Variants in GALNT18 observed in about 807,000 individuals in gnomAD.
GALNT18 encodes GalNAc-transferase 18.
GALNT18 carries 44 observed loss-of-function variants against 69.5 expected under a neutral mutation model. The observed-to-expected ratio is 0.63, with a 90% CI of 0.50 to 0.81. The LOEUF is 0.81. Ranked by LOEUF, GALNT18 falls within the 40% of genes least tolerant of loss-of-function variation. The probability of loss-of-function intolerance (pLI) is 0.00; values close to 1 mark genes in which losing one functional copy is unlikely to be tolerated. For synonymous variants in GALNT18, 364 were observed against 318.2 expected, an observed-to-expected ratio of 1.14 and a Z score of -1.53; for missense variants, 715 against 810.0, an observed-to-expected ratio of 0.88 and a Z score of 1.42.
intron 7 of GALNT18, among the ~76,000 whole-genome samples, chr11:11,334,102 G>A (rs899714799): frequency 1.3e-5 from 2 of 152,200 alleles, no homozygotes; most frequent in East Asian, 3.9e-4. Context: ...GTGAATCCCT[G>A]GTTCAAACAT....
chr11:11,273,984 T>C (rs1848881629), intron 10 of GALNT18, among the ~76,000 whole-genome samples: 1 of 152,170 alleles, frequency 6.6e-6, no homozygotes, highest in Admixed American at 6.5e-5. Flanking sequence ...CTGAGGGACC[T>C]GGTTCATCTC....
rs1859479169 is a variant in GALNT18 at position 11,595,581 on chromosome 11, T to A, written c.235+25778A>T. Among the ~76,000 whole-genome samples the A allele has an allele frequency of 6.6e-6, 1 of 152,222 alleles. No individual in the cohort carries two copies. The highest frequency in any genetic ancestry group is 1.9e-4 in the East Asian group (1 of 5,200). On this transcript the variant is annotated intron_variant, in intron 1 of 10. Coordinates refer to ENST00000227756, the MANE Select transcript of GALNT18 (RefSeq NM_198516.3). This position sits in a 1 kb window ranked among gnomAD's most constrained non-coding sequence, Gnocchi z 5.2. The stretch of plus-strand genomic sequence containing the variant: ...TCCTCACCAACACTCATTATCCTAG[T>A]GGGTGTGAAGCCATATCTCATTGTG...
chr11:11,582,747 T>A lies in GALNT18; in HGVS notation c.235+38612A>T, dbSNP rs575584282. ...ACAGCCTTTCAGCCCTCATCAAAGG[T>A]GATGCAACTTATTCTTCCTACAATT... On this transcript the variant is annotated intron_variant, in intron 1 of 10. Transcript: ENST00000227756. The surrounding 1 kb of genome is among the most constrained non-coding windows in gnomAD (Gnocchi z 5.0). Among the ~76,000 whole-genome samples, 16 of 152,266 alleles carry A rather than the reference T, an allele frequency of 1.1e-4. No individual in the cohort carries two copies. Among genetic ancestry groups the A allele is most frequent in the African/African-American group, 3.4e-4 (14 of 41,562 alleles).
At chr11:11,476,795 A>G (rs1564968535) in intron 1 of GALNT18, among the ~76,000 whole-genome samples, 1 of 152,226 alleles carries the variant, frequency 6.6e-6, no homozygotes, top group Non-Finnish European at 1.5e-5. Flanking sequence ...AAGAAAGTTA[A>G]GCTGGGAATT....
intron 10 of GALNT18, among the ~76,000 whole-genome samples, chr11:11,276,456 C>T (rs1042319968): frequency 6.6e-6 from 1 of 152,170 alleles, no homozygotes; most frequent in Admixed American, 6.5e-5. Context: ...TCTAAATATA[C>T]AATCATGTCA....
chr11:11,591,159 C>CGTGTGTGTGT lies in GALNT18; in HGVS notation c.235+30190_235+30199dup, dbSNP rs142063535. On this transcript the variant is annotated intron_variant, in intron 1 of 10. Coordinates refer to ENST00000227756, the MANE Select transcript of GALNT18 (RefSeq NM_198516.3). The surrounding 1 kb of genome is among the most constrained non-coding windows in gnomAD (Gnocchi z 4.8). ...TGCTGACTCTGTAGGCCTAGGCTAC[C>CGTGTGTGTGT]GTGTGTGTGTGTGTGTGTGTGTGTG... 0.019 allele frequency among the ~76,000 whole-genome samples: 2,759 copies of CGTGTGTGTGT among 149,026 alleles called. 63 individuals are homozygous for CGTGTGTGTGT. Among genetic ancestry groups the CGTGTGTGTGT allele is most frequent in the African/African-American group, 0.057 (2,281 of 40,320 alleles).
intron 10 of GALNT18, among the ~76,000 whole-genome samples, chr11:11,290,791 A>AC (rs879793402): frequency 2.1e-4 from 32 of 152,276 alleles, no homozygotes; most frequent in Non-Finnish European, 3.4e-4. Context: ...CTGAACCCAG[A>AC]GGCCCAGCAG....
At chr11:11,610,970 T>C (rs1257804827) in intron 1 of GALNT18, among the ~76,000 whole-genome samples, 1 of 152,114 alleles carries the variant, frequency 6.6e-6, no homozygotes, top group East Asian at 1.9e-4. Context: ...ATAACTGCAA[T>C]AGAGAAACCA....
intron 3 of GALNT18, among the ~76,000 whole-genome samples, chr11:11,420,293 T>G (rs1392985815): frequency 6.6e-6 from 1 of 152,136 alleles, no homozygotes; most frequent in African/African-American, 2.4e-5. Context: ...TAGTGCTGTC[T>G]CTAGCACCAC....
At chr11:11,298,444 G>A (rs1256289000) in intron 9 of GALNT18, among the ~76,000 whole-genome samples, 1 of 152,238 alleles carries the variant, frequency 6.6e-6, no homozygotes, top group Non-Finnish European at 1.5e-5. Context: ...CCTGAGCAAG[G>A]CTGAGTTCTG....
intron 1 of GALNT18, among the ~76,000 whole-genome samples, chr11:11,521,608 C>T (rs4310606): frequency 0.88 from 134,229 of 152,184 alleles, 59,602 homozygotes; most frequent in Non-Finnish European, 0.93. Flanking sequence ...ATTCCTGAAC[C>T]GTTCAGTCCT....
At position 11,414,440 on chromosome 11, in the gene GALNT18, A is replaced by G. The variant is rs111315343; in HGVS notation, c.595+18181T>C. 4.3e-4 allele frequency among the ~76,000 whole-genome samples: 66 copies of G among 152,194 alleles called. 2 individuals are homozygous for G. The highest frequency in any genetic ancestry group is 1.4e-3 in the African/African-American group (60 of 41,524). On this transcript the variant is annotated intron_variant, in intron 3 of 10. Coordinates refer to ENST00000227756, the MANE Select transcript of GALNT18 (RefSeq NM_198516.3). ...CTGGACTTCTTGTGGCTCTGAGACC[A>G]TGTTACCTCCTGCCTCAGGGCCTTT...
chr11:11,324,292 G>T (rs1239383749), intron 9 of GALNT18, among the ~76,000 whole-genome samples: 7 of 152,168 alleles, frequency 4.6e-5, no homozygotes, highest in Non-Finnish European at 1.0e-4. Context: ...CAGGAATTCT[G>T]CTCCTGGGCA....
chr11:11,410,287 C>G (rs1440802327), intron 3 of GALNT18, among the ~76,000 whole-genome samples: 1 of 152,134 alleles, frequency 6.6e-6, no homozygotes, highest in Non-Finnish European at 1.5e-5. Context: ...ATCCTGCTCA[C>G]ACCTCTACAC....
At chr11:11,423,195 CTT>C (rs1263298340) in intron 3 of GALNT18, among the ~76,000 whole-genome samples, 2 of 152,256 alleles carry the variant, frequency 1.3e-5, no homozygotes, top group Admixed American at 6.5e-5. Context: ...CACACACACA[CTT>C]GTATGCATGA....
intron 9 of GALNT18, among the ~76,000 whole-genome samples, chr11:11,306,185 C>T (rs888352610): frequency 3.1e-5 from 4 of 129,966 alleles, no homozygotes; most frequent in Non-Finnish European, 6.8e-5. Context: ...AGAATATTCC[C>T]AGTGAGAGTG....
rs1331995874 is a variant in GALNT18 at position 11,341,689 on chromosome 11, T to A, written c.1093-685A>T. On this transcript the variant is annotated intron_variant, in intron 6 of 10. Transcript: ENST00000227756. This position sits in a 1 kb window ranked among gnomAD's most constrained non-coding sequence, Gnocchi z 6.3. ...CAGCATCTCAAAGCTCTCGCTACAA[T>A]CTTTCCAGCCATCCTGACCTTTCAA... 6.6e-6 allele frequency among the ~76,000 whole-genome samples: 1 copy of A among 152,222 alleles called. No individual in the cohort carries two copies. Among genetic ancestry groups the A allele is most frequent in the African/African-American group, 2.4e-5 (1 of 41,450 alleles).
chr11:11,365,864 G>A (rs1296376737), intron 6 of GALNT18, among the ~76,000 whole-genome samples: 1 of 152,234 alleles, frequency 6.6e-6, no homozygotes, highest in Non-Finnish European at 1.5e-5. Flanking sequence ...GAGGAACTCT[G>A]TCATGTGTAA....
Position 11,546,496 on chromosome 11 carries a change from T to C in GALNT18, c.235+74863A>G, listed in dbSNP as rs371986667. 1.3e-5 allele frequency among the ~76,000 whole-genome samples: 2 copies of C among 152,310 alleles called. No homozygotes were observed. Among genetic ancestry groups the C allele is most frequent in the East Asian group, 3.9e-4 (2 of 5,182 alleles). ...TCATCTCAGAACCTACAATCCCGTC[T>C]CTATAGTCCTCTACAAATCAAATTC... On this transcript the variant is annotated intron_variant, in intron 1 of 10. Transcript: ENST00000227756. The surrounding 1 kb of genome is among the most constrained non-coding windows in gnomAD (Gnocchi z 5.8).
Sources: gnomAD v4.1 joint callset for allele counts (sites outside exome capture counted in the v4.1 genomes callset) on GRCh38, gnomAD v4.1.1 for gene constraint, Gnocchi (gnomAD v3.1) non-coding constraint, MANE v1.5 for transcripts, NCBI Gene and HGNC (gene_info 2026-07-23, HGNC 2026-07-21) for gene names.